The following CACNA1C variants were observed in gnomAD, a reference collection of about 807,000 sequenced individuals.
CACNA1C encodes the protein voltage-dependent L-type calcium channel subunit alpha-1C.
Under a neutral mutation model 229.0 loss-of-function variants are expected in CACNA1C, and 30 were observed. The ratio of observed to expected loss-of-function variants is 0.13; its 90% CI spans 0.10 to 0.18. CACNA1C has a LOEUF of 0.18. CACNA1C is among the 10% of genes least tolerant of loss of function. The pLI, the probability that CACNA1C is intolerant of heterozygous loss-of-function variation, is 1.00. For synonymous variants in CACNA1C, 1,114 were observed against 1,132.5 expected (o/e 0.98, Z 0.33); for missense variants, 1,658 against 2,845.0 (o/e 0.58, Z 9.49).
intron 10 of CACNA1C, among the ~76,000 whole-genome samples, chr12:2,555,104 G>A (rs1470450021): frequency 6.6e-6 from 1 of 152,246 alleles, no homozygotes; most frequent in Middle Eastern, 3.2e-3. Context: ...GGATGCCACA[G>A]AAGGACCTGT....
intron 3 of CACNA1C, among the ~76,000 whole-genome samples, chr12:2,317,346 C>T (rs1342601192): frequency 6.6e-6 from 1 of 152,170 alleles, no homozygotes; most frequent in Non-Finnish European, 1.5e-5. Flanking sequence ...ATCCATGCTG[C>T]AACATGGATG....
At chr12:2,232,475 A>G (rs886495662) in intron 3 of CACNA1C, among the ~76,000 whole-genome samples, 1 of 151,942 alleles carries the variant, frequency 6.6e-6, no homozygotes, top group African/African-American at 2.4e-5. Flanking sequence ...ATGTCTTTCT[A>G]CTGGTGCTGT....
chr12:2,060,052 A>G (rs2056867002), intron 1 of CACNA1C, among the ~76,000 whole-genome samples: 1 of 152,258 alleles, frequency 6.6e-6, no homozygotes, highest in Non-Finnish European at 1.5e-5. Context: ...CTTAGGCTAC[A>G]GAGTAGAAGT....
intron 3 of CACNA1C, among the ~76,000 whole-genome samples, chr12:2,358,357 C>G (rs2097451425): frequency 6.6e-6 from 1 of 151,236 alleles, no homozygotes; most frequent in African/African-American, 2.4e-5. Context: ...TAGAGGCATT[C>G]ATATTCAGCA....
chr12:2,277,937 C>A (rs1300706269), intron 3 of CACNA1C, among the ~76,000 whole-genome samples: 1 of 152,244 alleles, frequency 6.6e-6, no homozygotes, highest in Admixed American at 6.5e-5. Flanking sequence ...CAGTCTCACT[C>A]ATCGTGCTGA....
At chr12:2,682,770 C>A in intron 43 of CACNA1C, 92 bp downstream of exon 43, 1 of 1,326,890 alleles carries the variant, frequency 7.5e-7, no homozygotes, top group South Asian at 1.3e-5. Context: ...TCCTCTGGGG[C>A]TGATTGCAGG....
intron 3 of CACNA1C, among the ~76,000 whole-genome samples, chr12:2,409,575 C>G (rs1207050086): frequency 6.6e-6 from 1 of 152,248 alleles, no homozygotes; most frequent in African/African-American, 2.4e-5. Context: ...ACCATAATTT[C>G]TTAATTTTTG....
At position 2,106,288 on chromosome 12, in the gene CACNA1C, A is replaced by G. The variant is rs1293620843; in HGVS notation, c.50-8936A>G. On this transcript the variant is annotated intron_variant, in intron 1 of 46. Coordinates refer to ENST00000399655, the MANE Select transcript of CACNA1C (RefSeq NM_000719.7). Reference sequence around the variant, plus strand: ...GGCGCCCACCCCGGGGAGGATTTCTACCTCATCTGGGGCGTCCTGAAGCCA... The same window carrying G: ...GGCGCCCACCCCGGGGAGGATTTCTGCCTCATCTGGGGCGTCCTGAAGCCA... 4.4e-5 allele frequency among the ~76,000 whole-genome samples: 2 copies of G among 45,918 alleles called. 1 individual carries two copies. The highest frequency in any genetic ancestry group is 1.4e-4 in the African/African-American group (2 of 14,414). 30.1% of individuals were successfully genotyped at this position (45,918 alleles called of 152,430 possible).
intron 3 of CACNA1C, among the ~76,000 whole-genome samples, chr12:2,340,575 G>A (rs2096831598): frequency 6.6e-6 from 1 of 152,190 alleles, no homozygotes; most frequent in East Asian, 1.9e-4. Flanking sequence ...CTGTAGTTAA[G>A]ATAAAATTCT....
chr12:2,123,373 C>T (rs1483256350), intron 3 of CACNA1C, among the ~76,000 whole-genome samples: 2 of 59,792 alleles, frequency 3.3e-5, no homozygotes, highest in East Asian at 5.5e-4. Flanking sequence ...GAGACTCCAT[C>T]TCAAAAAAAA....
chr12:2,259,114 T>C (rs1377724965), intron 3 of CACNA1C, among the ~76,000 whole-genome samples: 1 of 152,186 alleles, frequency 6.6e-6, no homozygotes, highest in Non-Finnish European at 1.5e-5. Flanking sequence ...TTCTTTTCCA[T>C]TTAAGGAAAG....
rs57559183 is a variant in CACNA1C, at chr12:2,189,092, CAAAAAAAA to C, written c.477+68681_477+68688del. ...TGCGCGACAGAACGAGACTCCGTCT[CAAAAAAAA>C]AAAAAAAAAAAAAAAAAAGACACAT... On this transcript the variant is annotated intron_variant, in intron 3 of 46. Transcript: ENST00000399655. 6.7e-4 allele frequency among the ~76,000 whole-genome samples: 23 copies of C among 34,398 alleles called. 1 individual carries two copies. The highest frequency in any genetic ancestry group is 1.5e-4 in the Non-Finnish European group (2 of 13,062). 22.6% of individuals were successfully genotyped at this position (34,398 alleles called of 152,430 possible). A position where few individuals can be genotyped will look rare whatever the true frequency, so the allele number is the denominator to read the frequency against.
chr12:2,265,079 G>A (rs1448866250), intron 3 of CACNA1C, among the ~76,000 whole-genome samples: 1 of 152,170 alleles, frequency 6.6e-6, no homozygotes, highest in Non-Finnish European at 1.5e-5. Context: ...CAAGTGACCT[G>A]GTGAATTAAG....
chr12:2,651,391 G>A lies in CACNA1C; in HGVS notation c.3946-249G>A. The A allele has an allele frequency of 1.8e-6, 1 of 568,684 alleles. No individual in the cohort carries two copies. Among genetic ancestry groups the A allele is most frequent in the East Asian group, 2.8e-5 (1 of 35,228 alleles). The allele number at this position is 568,684 out of a possible 1,614,324, so 35.2% of individuals were successfully genotyped here. A position where few individuals can be genotyped will look rare whatever the true frequency, so the allele number is the denominator to read the frequency against. On this transcript the variant is annotated intron_variant, in intron 31 of 46. Transcript: ENST00000399655. This position sits in a 1 kb window ranked among gnomAD's most constrained non-coding sequence, Gnocchi z 5.4. ...AGAACTAGGAATGAAGGGGAATCGG[G>A]GAGAATAAAAACACAGGACCACAGC...
At chr12:2,477,616 G>A (rs1442688139) in intron 5 of CACNA1C, among the ~76,000 whole-genome samples, 4 of 152,140 alleles carry the variant, frequency 2.6e-5, no homozygotes, top group East Asian at 1.9e-4. Context: ...ATGGGGAGCC[G>A]AGCAAGAGAT....
chr12:2,401,543 C>A (rs1045326909), intron 3 of CACNA1C, among the ~76,000 whole-genome samples: 7 of 152,164 alleles, frequency 4.6e-5, no homozygotes, highest in African/African-American at 1.7e-4. Context: ...GACAGGAGAG[C>A]AACCACAGAT....
chr12:2,597,328 T>G lies in CACNA1C; in HGVS notation c.2853+39T>G. On this transcript the variant is annotated intron_variant, in intron 21 of 46. Coordinates refer to ENST00000399655, the MANE Select transcript of CACNA1C (RefSeq NM_000719.7). This position sits in a 1 kb window ranked among gnomAD's most constrained non-coding sequence, Gnocchi z 4.3. ...CCCCTTCTGCTCCTCCTGTCCCCCTTGTGCCAGCACCAGGTCTCTGCCGCT... is the reference window on the plus strand; with the variant it reads ...CCCCTTCTGCTCCTCCTGTCCCCCTGGTGCCAGCACCAGGTCTCTGCCGCT... The G allele has an allele frequency of 6.5e-7, 1 of 1,532,600 alleles. No homozygotes were observed. Among genetic ancestry groups the G allele is most frequent in the Non-Finnish European group, 9.0e-7 (1 of 1,105,954 alleles). 94.9% of individuals were successfully genotyped at this position (1,532,600 alleles called of 1,614,324 possible). A position where few individuals can be genotyped will look rare whatever the true frequency, so the allele number is the denominator to read the frequency against.
intron 3 of CACNA1C, among the ~76,000 whole-genome samples, chr12:2,128,814 C>T (rs113767116): frequency 0.026 from 3,986 of 152,280 alleles, 167 homozygotes; most frequent in African/African-American, 0.089. Context: ...AAGTGCCTTG[C>T]GTATAAATGC....
rs993247561 is a variant in CACNA1C, at chr12:2,678,181, C to T, written c.5091+314C>T. On this transcript the variant is annotated intron_variant, in intron 41 of 46. Transcript: ENST00000399655. The surrounding 1 kb of genome is among the most constrained non-coding windows in gnomAD (Gnocchi z 4.1). ...ATTAGAAGTTGCAGAGTGGTCACCC[C>T]TGGGGCACATCTAATCTGCAGGCTT... Among the ~76,000 whole-genome samples, 1 of 152,204 alleles carries T rather than the reference C, an allele frequency of 6.6e-6. No individual in the cohort carries two copies. Among genetic ancestry groups the T allele is most frequent in the Admixed American group, 6.5e-5 (1 of 15,284 alleles).
Sources: allele counts gnomAD v4.1 joint callset (sites outside exome capture counted in the v4.1 genomes callset), GRCh38; gene constraint gnomAD v4.1.1; non-coding constraint Gnocchi (gnomAD v3.1); transcripts MANE v1.5; gene names NCBI Gene and HGNC (gene_info 2026-07-23, HGNC 2026-07-21).